WWOX: variants seen among roughly 807,000 people sequenced by gnomAD.
WWOX encodes WW domain-containing oxidoreductase.
In WWOX, 69 loss-of-function variants were observed where a neutral mutation model predicts 46.2. That is an observed-to-expected ratio of 1.49 (90% CI 1.23 to 1.82). The LOEUF is 1.82. Ranked by LOEUF, WWOX falls within the 40% of genes most tolerant of loss-of-function variation. The pLI, the probability that WWOX is intolerant of heterozygous loss-of-function variation, is 0.00. For synonymous variants in WWOX, 359 were observed against 202.6 expected (o/e 1.77, Z -6.56); for missense variants, 919 against 542.6 (o/e 1.69, Z -6.89).
chr16:78,376,603 T>C (rs758532236), intron 5 of WWOX, among the ~76,000 whole-genome samples: 1 of 152,222 alleles, frequency 6.6e-6, no homozygotes, highest in Admixed American at 6.5e-5. Context: ...TCCTCGGGAC[T>C]ATTGAGGCCA....
At chr16:79,145,265 A>C (rs1359526255) in intron 8 of WWOX, among the ~76,000 whole-genome samples, 1 of 152,214 alleles carries the variant, frequency 6.6e-6, no homozygotes, top group East Asian at 1.9e-4. Context: ...CATTTGCTCA[A>C]ATTCAGAAGT....
At chr16:78,511,589 AT>A (rs1344943380) in intron 8 of WWOX, among the ~76,000 whole-genome samples, 2 of 152,056 alleles carry the variant, frequency 1.3e-5, no homozygotes, top group Non-Finnish European at 2.9e-5. Flanking sequence ...CTCCCAATAT[AT>A]TTCTTGTTAT....
intron 6 of WWOX, among the ~76,000 whole-genome samples, chr16:78,422,582 G>T (rs2082957425): frequency 6.8e-6 from 1 of 147,320 alleles, no homozygotes; most frequent in African/African-American, 2.5e-5. Context: ...CTGGGCTCAA[G>T]TGATTATCCT....
intron 8 of WWOX, among the ~76,000 whole-genome samples, chr16:78,545,407 G>T (rs2044005101): frequency 6.6e-6 from 1 of 152,126 alleles, no homozygotes; most frequent in Non-Finnish European, 1.5e-5. Flanking sequence ...TTAAAGAGAT[G>T]GGATTTCATT....
At chr16:79,207,649 C>G (rs2051562827) in intron 8 of WWOX, among the ~76,000 whole-genome samples, 2 of 152,162 alleles carry the variant, frequency 1.3e-5, no homozygotes, top group African/African-American at 2.4e-5. Flanking sequence ...TACTTTAAGA[C>G]AGGAATCTCC....
intron 8 of WWOX, among the ~76,000 whole-genome samples, chr16:78,710,621 A>G (rs746978603): frequency 1.1e-4 from 17 of 148,438 alleles, no homozygotes; most frequent in Non-Finnish European, 2.1e-4. Flanking sequence ...GTATATATAG[A>G]TTTTGTTTTT....
At chr16:78,321,789 C>T (rs1010116506) in intron 5 of WWOX, among the ~76,000 whole-genome samples, 2 of 152,094 alleles carry the variant, frequency 1.3e-5, no homozygotes, top group Non-Finnish European at 2.9e-5. Flanking sequence ...CAGTGGCTGT[C>T]GTCTGTTAGT....
At chr16:78,628,798 T>G (rs966665231) in intron 8 of WWOX, among the ~76,000 whole-genome samples, 3 of 152,178 alleles carry the variant, frequency 2.0e-5, no homozygotes, top group African/African-American at 7.2e-5. Context: ...GTCTGAATGT[T>G]GATGCCGACG....
chr16:79,139,602 C>G (rs964493301), intron 8 of WWOX, among the ~76,000 whole-genome samples: 1 of 151,688 alleles, frequency 6.6e-6, no homozygotes. Flanking sequence ...CTTTTTCTTT[C>G]TTTCTTTCTT....
chr16:78,432,874 C>T lies in WWOX; in HGVS notation c.1056+122C>T, dbSNP rs78383183. The stretch of plus-strand genomic sequence containing the variant: ...GGTCTCAGTAATAACATTGTCCAGC[C>T]CATCATAAAGGGCTCTTGAACACAT... On this transcript the variant is annotated intron_variant, in intron 8 of 8. Transcript: ENST00000566780. The T allele has an allele frequency of 1.2e-3, 1,832 of 1,489,358 alleles. 19 individuals carry two copies. In the African/African-American group the frequency reaches 0.023, roughly 19 times the overall value. 92.3% of individuals were successfully genotyped at this position (1,489,358 alleles called of 1,614,324 possible).
intron 8 of WWOX, among the ~76,000 whole-genome samples, chr16:78,811,191 C>G (rs1239697736): frequency 3.3e-5 from 5 of 152,164 alleles, no homozygotes; most frequent in Non-Finnish European, 1.5e-5. Flanking sequence ...TTGTGACATT[C>G]TTAGTTGTGA....
At chr16:78,459,205 T>C (rs1282562164) in intron 8 of WWOX, among the ~76,000 whole-genome samples, 1 of 152,202 alleles carries the variant, frequency 6.6e-6, no homozygotes, top group East Asian at 1.9e-4. Flanking sequence ...AATTTAGAGA[T>C]TAAGAAGCCA....
intron 4 of WWOX, among the ~76,000 whole-genome samples, chr16:78,157,695 G>A (rs1042836728): frequency 1.3e-5 from 2 of 152,218 alleles, no homozygotes; most frequent in African/African-American, 4.8e-5. Flanking sequence ...GTTAAATTGT[G>A]CTCCAGAGTC....
chr16:78,623,734 C>CAAA (rs10543154), intron 8 of WWOX, among the ~76,000 whole-genome samples: 1 of 141,858 alleles, frequency 7.0e-6, no homozygotes, highest in Non-Finnish European at 1.5e-5. Context: ...GACTCTGTCT[C>CAAA]AAAAAAAAAA....
intron 8 of WWOX, chr16:78,825,873 C>T (rs1051791114): frequency 1.2e-5 from 8 of 666,208 alleles, no homozygotes; most frequent in African/African-American, 5.4e-5. Flanking sequence ...AAGACTGGCC[C>T]TAAGAAGCCT....
intron 8 of WWOX, among the ~76,000 whole-genome samples, chr16:78,937,601 CTTTATTTATTTATTTATTTA>C (rs10691593): frequency 2.9e-4 from 41 of 142,622 alleles, no homozygotes; most frequent in African/African-American, 8.1e-4. Flanking sequence ...AGCTATAGAG[CTTTATTTATTTATTTATTTA>C]TTTATTTATT....
chr16:78,849,491 G>A (rs1185139418), intron 8 of WWOX, among the ~76,000 whole-genome samples: 3 of 147,222 alleles, frequency 2.0e-5, no homozygotes, highest in African/African-American at 5.0e-5. Flanking sequence ...GGAGAATGGC[G>A]TGAACCCGGG....
chr16:78,571,405 A>G (rs1432493000), intron 8 of WWOX, among the ~76,000 whole-genome samples: 1 of 152,212 alleles, frequency 6.6e-6, no homozygotes, highest in African/African-American at 2.4e-5. Context: ...CTTAACAGAC[A>G]CACATTCATT....
At chr16:78,757,476 C>T (rs1265351301) in intron 8 of WWOX, among the ~76,000 whole-genome samples, 1 of 152,060 alleles carries the variant, frequency 6.6e-6, no homozygotes, top group Non-Finnish European at 1.5e-5. Context: ...CAAATACCAT[C>T]TAGGACCCTG....
Sources: allele counts gnomAD v4.1 joint callset (sites outside exome capture counted in the v4.1 genomes callset), GRCh38; gene constraint gnomAD v4.1.1; transcripts MANE v1.5; gene names NCBI Gene and HGNC (gene_info 2026-07-23, HGNC 2026-07-21).